ZMIZ1: variants seen among roughly 807,000 people sequenced by gnomAD.
ZMIZ1 encodes zinc finger MIZ domain-containing protein 1.
ZMIZ1 carries 17 observed loss-of-function variants against 113.9 expected under a neutral mutation model. That is an observed-to-expected ratio of 0.15 (90% CI 0.10 to 0.22). ZMIZ1 has a LOEUF of 0.22. Among genes scored for constraint, ZMIZ1 ranks in the 10% least tolerant of loss-of-function variants. ZMIZ1 has a pLI of 1.00. For synonymous variants in ZMIZ1, 607 were observed against 603.1 expected, an observed-to-expected ratio of 1.01 and a Z score of -0.09; for missense variants, 1,059 against 1,477.8, an observed-to-expected ratio of 0.72 and a Z score of 4.65.
At chr10:79,271,162 C>T (rs1851928175) in intron 7 of ZMIZ1, among the ~76,000 whole-genome samples, 1 of 152,188 alleles carries the variant, frequency 6.6e-6, no homozygotes, top group Admixed American at 6.5e-5. Context: ...TACTCAGGGC[C>T]CCCACCATCT....
Position 79,208,449 on chromosome 10 carries a change from G to C in ZMIZ1, c.174G>C (p.Thr58=), listed in dbSNP as rs747905463. The part of the protein sequence containing the change: ...PFEQSLMGCL[T]VVSRVAAQQG... ...AGCAGAGCCTGATGGGCTGTTTGAC[G>C]GTGAGTCTGCACCCTGTCCGCCTGC... Residue 58 remains threonine (T), a splice_region_variant and synonymous_variant, in exon 6 of 25, where the codon ACG becomes ACC. Coordinates refer to ENST00000334512, the MANE Select transcript of ZMIZ1 (RefSeq NM_020338.4). 6.2e-7 allele frequency: 1 copy of C among 1,612,394 alleles called. No homozygotes were observed. Among genetic ancestry groups the C allele is most frequent in the Non-Finnish European group, 8.5e-7 (1 of 1,179,674 alleles).
intron 8 of ZMIZ1, among the ~76,000 whole-genome samples, chr10:79,280,490 G>T (rs888029616): frequency 1.3e-5 from 2 of 151,958 alleles, no homozygotes; most frequent in Admixed American, 6.6e-5. Context: ...GCCCAGGCTG[G>T]TTTCGAACTC....
chr10:79,129,598 G>A lies in ZMIZ1; in HGVS notation c.-226-10084G>A, dbSNP rs147688135. Among the ~76,000 whole-genome samples, 205 of 152,324 alleles carry A rather than the reference G, an allele frequency of 1.3e-3. 1 individual carries two copies. The Middle Eastern group carries it at 0.017, about 13-fold the overall frequency. On this transcript the variant is annotated intron_variant, in intron 2 of 24. Coordinates refer to ENST00000334512, the MANE Select transcript of ZMIZ1 (RefSeq NM_020338.4). ...TGCCAGCAGGAGGGGCATGACTCAT[G>A]CCTGGTGGGCTCTTTGCTCAAGGCT...
intron 4 of ZMIZ1, among the ~76,000 whole-genome samples, chr10:79,165,487 G>C (rs1424571437): frequency 6.6e-6 from 1 of 152,056 alleles, no homozygotes; most frequent in Admixed American, 6.5e-5. Context: ...GTAGTAGCGT[G>C]TGCCTGTGTA....
Position 79,313,953 on chromosome 10 carries a change from C to T in ZMIZ1, c.*1204C>T, listed in dbSNP as rs1021804938. On this transcript the variant is annotated 3_prime_UTR_variant, in exon 25 of 25. Transcript: ENST00000334512. ...CTCTGTCCCTGTGCTCCAAGCTGCC[C>T]CCGGCTGCAGCCCAGGCCATGGACA... 2 of 428,662 alleles carry T rather than the reference C, an allele frequency of 4.7e-6. No individual in the cohort carries two copies. The highest frequency in any genetic ancestry group is 9.4e-6 in the Non-Finnish European group (2 of 212,332). 26.6% of individuals were successfully genotyped at this position (428,662 alleles called of 1,614,324 possible).
rs1351957871 is a variant in ZMIZ1 at position 79,289,831 on chromosome 10, C to A, written c.482C>A (p.Pro161His). The A allele has an allele frequency of 1.2e-5, 20 of 1,613,996 alleles. No individual in the cohort carries two copies. Among genetic ancestry groups the A allele is most frequent in the Non-Finnish European group, 1.6e-5 (19 of 1,179,950 alleles). Residue 161 changes from proline (P) to histidine (H), a missense_variant, in exon 9 of 25, where the codon CCC becomes CAC. Physicochemically the swap from Pro to His is moderately conservative, Grantham distance 77 (BLOSUM62 -2). Transcript: ENST00000334512. Reference sequence around the variant, plus strand: ...TGGCAGCAGAACACCAACCAGCCTCCCGGCTCCCTTTCCGTGGTCACCACG... The same window carrying A: ...TGGCAGCAGAACACCAACCAGCCTCACGGCTCCCTTTCCGTGGTCACCACG... ...VPWQQNTNQP[P>H]GSLSVVTTVW... is the part of the protein sequence containing the mutation.
Position 79,111,030 on chromosome 10 carries a change from A to G in ZMIZ1, c.-336-7885A>G, listed in dbSNP as rs374748181. 7.2e-5 allele frequency among the ~76,000 whole-genome samples: 11 copies of G among 152,304 alleles called. No individual in the cohort carries two copies. The South Asian group carries it at 1.5e-3, about 20-fold the overall frequency. Reference sequence around the variant, plus strand: ...CAGTTATGCAGATGGCTGCCAATCTACTTGCTCCCCTTGCCCAGCTCCTGG... The same window carrying G: ...CAGTTATGCAGATGGCTGCCAATCTGCTTGCTCCCCTTGCCCAGCTCCTGG... On this transcript the variant is annotated intron_variant, in intron 1 of 24. Transcript: ENST00000334512.
At chr10:79,188,600 C>T (rs1847452334) in intron 4 of ZMIZ1, among the ~76,000 whole-genome samples, 1 of 152,132 alleles carries the variant, frequency 6.6e-6, no homozygotes, top group African/African-American at 2.4e-5. Context: ...CAGCTTGGAG[C>T]TAGGAATCTT....
intron 3 of ZMIZ1, among the ~76,000 whole-genome samples, chr10:79,159,485 C>T (rs1380892414): frequency 6.6e-6 from 1 of 152,222 alleles, no homozygotes; most frequent in African/African-American, 2.4e-5. Context: ...GGCTGGTTGC[C>T]GCATAGCGGG....
In ZMIZ1 at chr10:79,293,537, C is replaced by G. The variant is rs764332215; in HGVS notation, c.1114C>G (p.Pro372Ala). The change falls in exon 12 of 25, where the codon CCG (proline) becomes GCG (alanine). Residue 372 changes from proline (P) to alanine (A), a missense_variant. Transcript: ENST00000334512. Reference protein sequence around the residue: ...GPPMGMNQPRPPGISPFGTHG... With the variant: ...GPPMGMNQPRAPGISPFGTHG... ...TCCCATGGGCATGAACCAGCCCCGG[C>G]CGCCCGGCATCAGCCCCTTTGGCAC... is the stretch of plus-strand genomic sequence containing the variant. The G allele has an allele frequency of 6.2e-7, 1 of 1,611,490 alleles. No homozygotes were observed. The highest frequency in any genetic ancestry group is 1.3e-5 in the African/African-American group (1 of 74,898).
intron 7 of ZMIZ1, among the ~76,000 whole-genome samples, chr10:79,268,166 C>T (rs1056237620): frequency 1.3e-5 from 2 of 152,222 alleles, no homozygotes; most frequent in Admixed American, 6.5e-5. Flanking sequence ...TGAACAGCAG[C>T]GCCGGCCCCT....
rs1261149350 is a variant in ZMIZ1 at position 79,293,518 on chromosome 10, G to C, written c.1095G>C (p.Met365Ile). 1.2e-6 allele frequency: 2 copies of C among 1,604,694 alleles called. No homozygotes were observed. The highest frequency in any genetic ancestry group is 1.7e-6 in the Non-Finnish European group (2 of 1,174,172). ...CCTCGGGGATGAGCGGCCCTCCCATGGGCATGAACCAGCCCCGGCCGCCCG... is the reference window on the plus strand; with the variant it reads ...CCTCGGGGATGAGCGGCCCTCCCATCGGCATGAACCAGCCCCGGCCGCCCG... ...MTPSGMSGPP[M>I]GMNQPRPPGI... The change falls in exon 12 of 25, where the codon ATG becomes ATC. Residue 365 changes from methionine to isoleucine, a missense_variant. Around this residue, in one of 6 missense-constraint regions of ZMIZ1, gnomAD observed 83 missense variants for 103.7 expected, o/e 0.80. Coordinates refer to ENST00000334512, the MANE Select transcript of ZMIZ1 (RefSeq NM_020338.4).
intron 7 of ZMIZ1, among the ~76,000 whole-genome samples, chr10:79,219,664 A>C (rs73302169): frequency 6.6e-6 from 1 of 152,264 alleles, no homozygotes; most frequent in African/African-American, 2.4e-5. Flanking sequence ...GCTTGAACAC[A>C]GCCTTTGTAA....
chr10:79,286,736 A>T (rs565055864), intron 8 of ZMIZ1, among the ~76,000 whole-genome samples: 2 of 152,258 alleles, frequency 1.3e-5, no homozygotes, highest in Non-Finnish European at 2.9e-5. Flanking sequence ...GTTTCCGCCC[A>T]CAAGGCTCAC....
intron 1 of ZMIZ1, among the ~76,000 whole-genome samples, chr10:79,101,306 G>A (rs1280018820): frequency 6.6e-6 from 1 of 152,150 alleles, no homozygotes; most frequent in African/African-American, 2.4e-5. Context: ...CCTCTAGGAT[G>A]AGGGGGAAGT....
chr10:79,171,569 A>G (rs970735145), intron 4 of ZMIZ1, among the ~76,000 whole-genome samples: 2 of 152,250 alleles, frequency 1.3e-5, no homozygotes, highest in Non-Finnish European at 2.9e-5. Flanking sequence ...CAGGAGACAA[A>G]GAAACAGACC....
chr10:79,274,750 G>A (rs1358866816), intron 7 of ZMIZ1, among the ~76,000 whole-genome samples: 1 of 152,214 alleles, frequency 6.6e-6, no homozygotes, highest in Non-Finnish European at 1.5e-5. Flanking sequence ...CCTGTTTGCG[G>A]CATGCCAGAC....
chr10:79,085,865 C>T (rs1231264823), intron 1 of ZMIZ1, among the ~76,000 whole-genome samples: 1 of 152,166 alleles, frequency 6.6e-6, no homozygotes, highest in East Asian at 1.9e-4. Context: ...ACCACTGCTC[C>T]CTGGCTTTCT....
intron 1 of ZMIZ1, among the ~76,000 whole-genome samples, chr10:79,081,714 C>T (rs1357931476): frequency 2.0e-5 from 3 of 152,202 alleles, no homozygotes; most frequent in Admixed American, 6.5e-5. Context: ...TCTACAGGCC[C>T]CTGAGACCTG....
Sources: allele counts gnomAD v4.1 joint callset (sites outside exome capture counted in the v4.1 genomes callset), GRCh38; gene constraint gnomAD v4.1.1; regional missense constraint gnomAD v4.1.1; transcripts MANE v1.5; gene names NCBI Gene and HGNC (gene_info 2026-07-23, HGNC 2026-07-21).